Variants in NPAS2 observed in about 807,000 individuals in gnomAD.
NPAS2 encodes neuronal PAS domain protein 2, also known as neuronal PAS domain-containing protein 2.
A neutral mutation model predicts 107.5 loss-of-function variants in NPAS2; 23 were observed. That is an observed-to-expected ratio of 0.21 (90% CI 0.15 to 0.30). The LOEUF (loss-of-function observed/expected upper bound fraction) is 0.30. Ranked by LOEUF, NPAS2 falls within the 10% of genes least tolerant of loss-of-function variation. NPAS2 has a pLI of 1.00. For synonymous variants in NPAS2, 403 were observed against 417.5 expected (o/e 0.97, Z 0.42); for missense variants, 756 against 1,043.3 (o/e 0.72, Z 3.79).
intron 1 of NPAS2, among the ~76,000 whole-genome samples, chr2:100,889,360 C>T (rs58000902): frequency 0.067 from 10,268 of 152,272 alleles, 758 homozygotes; most frequent in East Asian, 0.35. Context: ...GGGCTTGCCA[C>T]GGGGCTTTCT....
chr2:100,942,756 T>G (rs1455540807), intron 5 of NPAS2, among the ~76,000 whole-genome samples: 1 of 152,180 alleles, frequency 6.6e-6, no homozygotes, highest in Non-Finnish European at 1.5e-5. Flanking sequence ...CTTGTTTTCC[T>G]TTGTAGTTTC....
intron 5 of NPAS2, 69 bp downstream of exon 5, chr2:100,937,911 C>A: frequency 8.2e-7 from 1 of 1,222,454 alleles, no homozygotes; most frequent in Non-Finnish European, 1.2e-6. Flanking sequence ...CATTAGATCT[C>A]AGATGGAAGG....
intron 1 of NPAS2, among the ~76,000 whole-genome samples, chr2:100,843,114 G>A (rs1005854782): frequency 5.9e-5 from 9 of 151,960 alleles, no homozygotes; most frequent in African/African-American, 2.2e-4. Flanking sequence ...AGCTACTCGG[G>A]AGGCTGAGGC....
chr2:100,961,418 C>A (rs562816930), intron 7 of NPAS2, among the ~76,000 whole-genome samples: 69 of 152,208 alleles, frequency 4.5e-4, no homozygotes, highest in Non-Finnish European at 6.8e-4. Flanking sequence ...GATTTATTAT[C>A]ACCCTTGATC....
intron 8 of NPAS2, 96 bp downstream of exon 8, chr2:100,964,272 G>A: frequency 1.1e-6 from 1 of 871,334 alleles, no homozygotes; most frequent in Non-Finnish European, 1.9e-6. Context: ...GGAATAAATT[G>A]CAGTGAAGTT....
intron 1 of NPAS2, among the ~76,000 whole-genome samples, chr2:100,898,176 C>G (rs1681540537): frequency 1.3e-5 from 2 of 152,044 alleles, no homozygotes; most frequent in African/African-American, 4.8e-5. Flanking sequence ...GTGTTCTTGC[C>G]TCATCCTCCC....
At chr2:100,977,852 T>C in intron 15 of NPAS2, 53 bp downstream of exon 15, 2 of 1,439,380 alleles carry the variant, frequency 1.4e-6, no homozygotes, top group East Asian at 2.3e-5. Flanking sequence ...AAGTCCGCAG[T>C]GTGCTGCGCT....
intron 1 of NPAS2, among the ~76,000 whole-genome samples, chr2:100,846,250 CTT>C (rs1677766780): frequency 6.6e-6 from 1 of 152,198 alleles, no homozygotes; most frequent in South Asian, 2.1e-4. Flanking sequence ...ACACTGGAAT[CTT>C]TTATTTTGCT....
intron 1 of NPAS2, among the ~76,000 whole-genome samples, chr2:100,838,407 A>G (rs933544990): frequency 1.3e-5 from 2 of 152,058 alleles, no homozygotes; most frequent in Admixed American, 6.6e-5. Context: ...CCTCCTGAGT[A>G]GCTGGGATTA....
chr2:100,899,179 A>G (rs893343709), intron 1 of NPAS2, among the ~76,000 whole-genome samples: 11 of 152,104 alleles, frequency 7.2e-5, no homozygotes, highest in Non-Finnish European at 1.3e-4. Context: ...CGTTACGTAA[A>G]AACTGAGGAA....
Position 100,990,416 on chromosome 2 carries a change from G to A in NPAS2, c.1988G>A (p.Ser663Asn). The A allele has an allele frequency of 6.2e-7, 1 of 1,614,148 alleles. No individual in the cohort carries two copies. The highest frequency in any genetic ancestry group is 2.2e-5 in the East Asian group (1 of 44,888). ...CAGGATGCCAGCCAGTGCCAGCCCAGCCCAGACTTCAGCCATGATCGGCAG... is the reference window on the plus strand; with the variant it reads ...CAGGATGCCAGCCAGTGCCAGCCCAACCCAGACTTCAGCCATGATCGGCAG... ...TSQDASQCQP[S>N]PDFSHDRQLR... is the part of the protein sequence containing the mutation. Residue 663 changes from serine (S) to asparagine (N), a missense_variant, in exon 18 of 21, where the codon AGC (serine) becomes AAC (asparagine). This residue lies in a region of NPAS2 where 496 missense variants were observed against 594.4 expected (regional missense o/e 0.83). Transcript: ENST00000335681.
rs778222596 is a variant in NPAS2, at chr2:100,932,901, C to G, written c.182-9C>G. ...TGAATATAAAGGCTTATTTGTGTCT[C>G]TTTTCTAGAAGTCTCAGCGCAAACG... On this transcript the variant is annotated splice_polypyrimidine_tract_variant and intron_variant, in intron 3 of 20. Coordinates refer to ENST00000335681, the MANE Select transcript of NPAS2 (RefSeq NM_002518.4). 5 of 1,607,230 alleles carry G rather than the reference C, an allele frequency of 3.1e-6. No homozygotes were observed. The highest frequency in any genetic ancestry group is 1.3e-5 in the African/African-American group (1 of 74,818).
intron 1 of NPAS2, among the ~76,000 whole-genome samples, chr2:100,890,768 A>C (rs1484025548): frequency 6.6e-6 from 1 of 152,130 alleles, no homozygotes; most frequent in East Asian, 1.9e-4. Flanking sequence ...CCCGGGTGTG[A>C]AGGAAGAGTG....
intron 1 of NPAS2, among the ~76,000 whole-genome samples, chr2:100,894,067 G>A (rs533505906): frequency 1.3e-5 from 2 of 152,220 alleles, no homozygotes; most frequent in Non-Finnish European, 2.9e-5. Flanking sequence ...CGGATATGCC[G>A]TGACAAAATA....
At chr2:100,936,810 T>C (rs1453392933) in intron 4 of NPAS2, among the ~76,000 whole-genome samples, 2 of 151,766 alleles carry the variant, frequency 1.3e-5, no homozygotes, top group Non-Finnish European at 2.9e-5. Flanking sequence ...GGTGAAACCC[T>C]GTCTCTACTA....
At chr2:100,949,331 A>T in intron 6 of NPAS2, 36 bp from the exon 7 acceptor site, 1 of 1,194,044 alleles carries the variant, frequency 8.4e-7, no homozygotes, top group Non-Finnish European at 1.3e-6. Context: ...AATGCTCACG[A>T]CCCCTTTCTC....
chr2:100,907,856 G>A (rs1682270982), intron 2 of NPAS2, among the ~76,000 whole-genome samples: 1 of 152,224 alleles, frequency 6.6e-6, no homozygotes, highest in South Asian at 2.1e-4. Context: ...TCAGAACTGA[G>A]TGCTCTATTC....
chr2:100,945,652 G>T (rs1461199464), intron 5 of NPAS2, among the ~76,000 whole-genome samples: 1 of 152,132 alleles, frequency 6.6e-6, no homozygotes, highest in Non-Finnish European at 1.5e-5. Flanking sequence ...CTCTGTCATG[G>T]CTTCTCGCCC....
chr2:100,939,602 G>A (rs777043709), intron 5 of NPAS2, among the ~76,000 whole-genome samples: 4 of 152,194 alleles, frequency 2.6e-5, no homozygotes, highest in Non-Finnish European at 4.4e-5. Flanking sequence ...TTTGGAGGGC[G>A]CTTGTGTTTT....
Sources: gnomAD v4.1 joint callset for allele counts (sites outside exome capture counted in the v4.1 genomes callset) on GRCh38, gnomAD v4.1.1 for gene constraint, gnomAD v4.1.1 regional missense constraint, MANE v1.5 for transcripts, NCBI Gene and HGNC (gene_info 2026-07-23, HGNC 2026-07-21) for gene names.